Variants in CEP120 observed in about 807,000 individuals in gnomAD.
The protein encoded by CEP120 is centrosomal protein 120.
In CEP120, 113 loss-of-function variants were observed where a neutral mutation model predicts 126.5. The observed-to-expected ratio is 0.89, with a 90% CI of 0.77 to 1.04. CEP120 has a LOEUF of 1.04. CEP120 is among the 50% of genes least tolerant of loss of function. CEP120 has a pLI of 0.00. For missense variants in CEP120, 1,230 were observed against 1,155.7 expected (o/e 1.06, Z -0.93); for synonymous variants, 400 against 394.3 (o/e 1.01, Z -0.17).
chr5:123,388,297 G>C, intron 9 of CEP120, 135 bp downstream of exon 9: 1 of 527,114 alleles, frequency 1.9e-6, no homozygotes, highest in Non-Finnish European at 3.2e-6. Context: ...TTAGGATATA[G>C]CCTTACCCCC....
intron 17 of CEP120, among the ~76,000 whole-genome samples, chr5:123,372,420 T>C (rs1361210140): frequency 6.6e-6 from 1 of 152,094 alleles, no homozygotes. Flanking sequence ...TTACTAGAGT[T>C]AGTCAGTTCT....
chr5:123,389,906 A>T lies in CEP120; in HGVS notation c.1255+18T>A. Reference sequence around the variant, plus strand: ...GCAATACCTCAAAGATCTATAAACAAACAACAAAAAACCTTACCTTTTGGA... The same window carrying T: ...GCAATACCTCAAAGATCTATAAACATACAACAAAAAACCTTACCTTTTGGA... On this transcript the variant is annotated intron_variant, in intron 8 of 19. Transcript: ENST00000306467. The T allele has an allele frequency of 6.2e-7, 1 of 1,601,164 alleles. No individual in the cohort carries two copies. The highest frequency in any genetic ancestry group is 8.6e-7 in the Non-Finnish European group (1 of 1,168,780).
Position 123,393,362 on chromosome 5 carries a change from C to A in CEP120, c.748G>T (p.Val250Phe). Reference protein sequence around the residue: ...NPNFEPERASVRIRSSVEILR... With the variant: ...NPNFEPERASFRIRSSVEILR... ...ATTTCTACACTGCTACGGATGCGAA[C>A]TGATGCTCTCTCTGGCTCAAAGTTT... is the stretch of plus-strand genomic sequence containing the variant. The change falls in exon 6 of 20, where the codon GTT becomes TTT. Residue 250 changes from valine to phenylalanine, a missense_variant. By Grantham distance (50) the Val-to-Phe change is conservative. Coordinates refer to ENST00000306467, the MANE Select transcript of CEP120 (RefSeq NM_001375405.1). 1 of 1,614,138 alleles carries A rather than the reference C, an allele frequency of 6.2e-7. No individual in the cohort carries two copies. Among genetic ancestry groups the A allele is most frequent in the South Asian group, 1.1e-5 (1 of 91,090 alleles).
rs1580614752 is a variant in CEP120 at position 123,346,441 on chromosome 5, A to G, written c.*78T>C. 1.8e-6 allele frequency: 2 copies of G among 1,089,374 alleles called. No individual in the cohort carries two copies. The highest frequency in any genetic ancestry group is 2.4e-5 in the East Asian group (1 of 40,962). The allele number at this position is 1,089,374 out of a possible 1,614,324, so 67.5% of individuals were successfully genotyped here. Reference sequence around the variant, plus strand: ...TTGAAAATACCATTTTAAAACATCCATTTTCCTCACTTTTGAGGTTTTTAC... The same window carrying G: ...TTGAAAATACCATTTTAAAACATCCGTTTTCCTCACTTTTGAGGTTTTTAC... On this transcript the variant is annotated 3_prime_UTR_variant, in exon 20 of 20. Coordinates refer to ENST00000306467, the MANE Select transcript of CEP120 (RefSeq NM_001375405.1).
intron 3 of CEP120, among the ~76,000 whole-genome samples, chr5:123,414,696 G>A (rs1357374358): frequency 1.3e-5 from 2 of 152,254 alleles, no homozygotes; most frequent in East Asian, 3.9e-4. Context: ...GCCGGGCGCG[G>A]TGGCTCACGC....
rs1235437813 is a variant in CEP120 at position 123,346,578 on chromosome 5, T to C, written c.2902A>G (p.Ile968Val). ...CTGATCTGTCGGTCGAGTTCACTTA[T>C]TATTCGATCCTCGTGATTATACACA... Reference protein sequence around the residue: ...TGVYNHEDRIISELDRQIREI... With the variant: ...TGVYNHEDRIVSELDRQIREI... The change falls in exon 20 of 20, where the codon ATA becomes GTA. Residue 968 changes from isoleucine to valine, a missense_variant. Physicochemically the swap from Ile to Val is conservative, Grantham distance 29. Coordinates refer to ENST00000306467, the MANE Select transcript of CEP120 (RefSeq NM_001375405.1). 5.3e-5 allele frequency: 85 copies of C among 1,613,808 alleles called. No individual in the cohort carries two copies. The highest frequency in any genetic ancestry group is 7.0e-5 in the Non-Finnish European group (83 of 1,179,954).
In CEP120 at chr5:123,346,661, CCTT is replaced by C. The variant is rs766792500; in HGVS notation, c.2816_2818del (p.Glu939del). The C allele has an allele frequency of 1.2e-6, 2 of 1,613,944 alleles. No individual in the cohort carries two copies. The highest frequency in any genetic ancestry group is 8.5e-7 in the Non-Finnish European group (1 of 1,179,948). On this transcript the variant is annotated inframe_deletion, in exon 20 of 20. Coordinates refer to ENST00000306467, the MANE Select transcript of CEP120 (RefSeq NM_001375405.1). ...CAGGCGAGTCAAATAATCATCCAAA[CCTT>C]CTTCCAATACACTGCCATGGGGGCC...
intron 18 of CEP120, among the ~76,000 whole-genome samples, chr5:123,359,383 G>A (rs1465310857): frequency 3.3e-5 from 5 of 151,950 alleles, no homozygotes; most frequent in African/African-American, 1.2e-4. Flanking sequence ...TAAAAAGTAG[G>A]TTTTATTCTG....
At chr5:123,356,639 T>C (rs1769649295) in intron 18 of CEP120, among the ~76,000 whole-genome samples, 1 of 152,030 alleles carries the variant, frequency 6.6e-6, no homozygotes, top group African/African-American at 2.4e-5. Flanking sequence ...TCACCCTCAA[T>C]CTTGTTACTA....
rs1386697269 is a variant in CEP120 at position 123,350,084 on chromosome 5, C to T, written c.2586G>A (p.Glu862=). 2 of 1,609,760 alleles carry T rather than the reference C, an allele frequency of 1.2e-6. No homozygotes were observed. Among genetic ancestry groups the T allele is most frequent in the Non-Finnish European group, 8.5e-7 (1 of 1,178,658 alleles). ...TAAGACGAGCCATTTGACTTTCTTG[C>T]TCCCTCTTGAAAGAAACAAAGAAAC... ...LKELARLKQR[E]QESQMARLKK... Residue 862 remains glutamate (E), a synonymous_variant, in exon 19 of 20, where the codon GAG becomes GAA. Coordinates refer to ENST00000306467, the MANE Select transcript of CEP120 (RefSeq NM_001375405.1).
At chr5:123,397,982 G>C (rs929807767) in intron 5 of CEP120, among the ~76,000 whole-genome samples, 6 of 152,146 alleles carry the variant, frequency 3.9e-5, no homozygotes, top group Non-Finnish European at 8.8e-5. Context: ...TACTCAGGAG[G>C]CTGAGGCAGA....
intron 1 of CEP120, among the ~76,000 whole-genome samples, chr5:123,419,554 A>AAAC (rs199628899): frequency 5.0e-5 from 3 of 60,026 alleles, no homozygotes; most frequent in South Asian, 6.2e-4. Context: ...AAACAAAAAC[A>AAAC]AAAAAAAAAA....
In CEP120 at chr5:123,345,881, T is replaced by C. The variant is rs1768778665; in HGVS notation, c.*638A>G. The C allele has an allele frequency of 1.3e-5, 2 of 152,158 alleles. No individual in the cohort carries two copies. Among genetic ancestry groups the C allele is most frequent in the Admixed American group, 1.3e-4 (2 of 15,254 alleles). The allele number at this position is 152,158 out of a possible 1,614,324, so 9.4% of individuals were successfully genotyped here. A position where few individuals can be genotyped will look rare whatever the true frequency, so the allele number is the denominator to read the frequency against. ...AACTATATTAAGCTAATACTTCATGTTCTTAAAAGTTATAAATACACTGAA... is the reference window on the plus strand; with the variant it reads ...AACTATATTAAGCTAATACTTCATGCTCTTAAAAGTTATAAATACACTGAA... On this transcript the variant is annotated 3_prime_UTR_variant, in exon 20 of 20. Transcript: ENST00000306467.
At chr5:123,393,592 GTTTT>G (rs967765642) in intron 5 of CEP120, 95 bp from the exon 6 acceptor site, 25 of 1,057,460 alleles carry the variant, frequency 2.4e-5, no homozygotes, top group Middle Eastern at 2.6e-4. Context: ...TTGCTAAAAT[GTTTT>G]TTTATTTGAT....
intron 17 of CEP120, among the ~76,000 whole-genome samples, chr5:123,367,426 G>A (rs997246620): frequency 3.3e-5 from 5 of 151,656 alleles, no homozygotes; most frequent in African/African-American, 1.2e-4. Flanking sequence ...ATGTATGTAT[G>A]TATATATATC....
intron 18 of CEP120, among the ~76,000 whole-genome samples, chr5:123,360,689 T>C (rs1039129435): frequency 2.5e-5 from 2 of 80,304 alleles, no homozygotes; most frequent in African/African-American, 3.9e-5. Flanking sequence ...GAAGGTTAAA[T>C]AGAAAATGGA....
At chr5:123,410,169 G>A (rs1773955715) in intron 4 of CEP120, among the ~76,000 whole-genome samples, 1 of 151,988 alleles carries the variant, frequency 6.6e-6, no homozygotes. Context: ...TCTATATGAA[G>A]AAAACTATAA....
rs200774919 is a variant in CEP120, at chr5:123,346,636, C to G, written c.2844G>C (p.Leu948=). 20 of 1,613,988 alleles carry G rather than the reference C, an allele frequency of 1.2e-5. No homozygotes were observed. The African/African-American group carries it at 2.5e-4, about 20-fold the overall frequency. ...TCATCAAAGTATCCCTTTCTTCTAT[C>G]AGGCGAGTCAAATAATCATCCAAAC... ...EEGLDDYLTR[L]IEERDTLMRT... is the part of the protein sequence containing the mutation. The change falls in exon 20 of 20, where the codon CTG becomes CTC. Residue 948 remains leucine, a synonymous_variant. Transcript: ENST00000306467.
chr5:123,403,932 T>C (rs1284967499), intron 4 of CEP120, among the ~76,000 whole-genome samples: 1 of 152,214 alleles, frequency 6.6e-6, no homozygotes, highest in Non-Finnish European at 1.5e-5. Context: ...ATAAAGGAAA[T>C]TATTGGGAAA....
Sources: allele counts gnomAD v4.1 joint callset (sites outside exome capture counted in the v4.1 genomes callset), GRCh38; gene constraint gnomAD v4.1.1; transcripts MANE v1.5; gene names NCBI Gene and HGNC (gene_info 2026-07-23, HGNC 2026-07-21).